Variants in RAPGEF3 observed in about 807,000 individuals in gnomAD.
RAPGEF3 encodes the protein Rap guanine nucleotide exchange factor 3.
Under a neutral mutation model 129.8 loss-of-function variants are expected in RAPGEF3, and 103 were observed. That is an observed-to-expected ratio of 0.79 (90% confidence interval 0.68 to 0.93). RAPGEF3 has a LOEUF of 0.93. Ranked by LOEUF, RAPGEF3 falls within the 40% of genes least tolerant of loss-of-function variation. The probability of loss-of-function intolerance (pLI) is 0.00; values close to 1 mark genes in which losing one functional copy is unlikely to be tolerated. For missense variants in RAPGEF3, 1,117 were observed against 1,207.4 expected (o/e 0.93, Z 1.11); for synonymous variants, 436 against 482.6 (o/e 0.90, Z 1.26).
intron 18 of RAPGEF3, 23 bp downstream of exon 18, chr12:47,743,507 G>T: frequency 6.2e-7 from 1 of 1,602,594 alleles, no homozygotes; most frequent in Non-Finnish European, 8.5e-7. Context: ...CTCCCTTGGG[G>T]TCTATCCAGG....
At chr12:47,757,259 C>T (rs986306508) in intron 2 of RAPGEF3, among the ~76,000 whole-genome samples, 1 of 152,094 alleles carries the variant, frequency 6.6e-6, no homozygotes, top group South Asian at 2.1e-4. Context: ...CCATTCTTTC[C>T]CCTCCCTGCT....
intron 23 of RAPGEF3, chr12:47,739,698 C>A: frequency 2.7e-6 from 1 of 366,684 alleles, no homozygotes; most frequent in Non-Finnish European, 5.2e-6. Flanking sequence ...GTTCCACCCC[C>A]AACTCTATCC....
Position 47,751,535 on chromosome 12 carries a change from A to AG in RAPGEF3, c.381-16dup, listed in dbSNP as rs2136799214. 6.2e-7 allele frequency: 1 copy of AG among 1,614,182 alleles called. No homozygotes were observed. Among genetic ancestry groups the AG allele is most frequent in the Non-Finnish European group, 8.5e-7 (1 of 1,179,998 alleles). The stretch of plus-strand genomic sequence containing the variant: ...AGCAGCACTGCCTATGGAAGGTAGA[A>AG]GGGGACAGGCCAGTGGAAGGAGGGT... On this transcript the variant is annotated splice_polypyrimidine_tract_variant and intron_variant, in intron 4 of 27. Coordinates refer to ENST00000449771, the MANE Select transcript of RAPGEF3 (RefSeq NM_001098531.4).
chr12:47,746,974 T>A (rs910750147), intron 15 of RAPGEF3, 75 bp from the exon 16 acceptor site: 2 of 1,428,124 alleles, frequency 1.4e-6, no homozygotes, highest in South Asian at 2.5e-5. Context: ...CTTGGGGCTC[T>A]GGATTCTCCC....
chr12:47,747,240 G>A (rs976293053), intron 15 of RAPGEF3, among the ~76,000 whole-genome samples: 3 of 152,176 alleles, frequency 2.0e-5, no homozygotes, highest in Admixed American at 6.5e-5. Flanking sequence ...GAAATGTACC[G>A]GGCGGGACTG....
Position 47,757,967 on chromosome 12 carries a change from G to C in RAPGEF3, c.118C>G (p.Leu40Val). 6.4e-7 allele frequency: 1 copy of C among 1,563,464 alleles called. No homozygotes were observed. Among genetic ancestry groups the C allele is most frequent in the Non-Finnish European group, 8.7e-7 (1 of 1,153,462 alleles). ...ALPDVVPEGT[L>V]LNMVLRRMHR... ...ATCCTTCTCAACACCATGTTGAGTA[G>C]TGTCCCCTCCGGCACCACGTCAGGG... Residue 40 changes from leucine to valine, a missense_variant, in exon 2 of 28, where the codon CTA becomes GTA. Physicochemically the swap from Leu to Val is conservative, Grantham distance 32. Around this residue, in one of 3 missense-constraint regions of RAPGEF3, gnomAD observed 367 missense variants for 373.4 expected, o/e 0.98. Transcript: ENST00000449771.
At chr12:47,752,074 C>T in intron 2 of RAPGEF3, 105 bp from the exon 3 acceptor site, 2 of 1,201,902 alleles carry the variant, frequency 1.7e-6, no homozygotes, top group Non-Finnish European at 2.4e-6. Context: ...GGCCCCAACC[C>T]CAAATGCATC....
At chr12:47,746,970 G>A in intron 15 of RAPGEF3, 71 bp from the exon 16 acceptor site, 1 of 1,456,194 alleles carries the variant, frequency 6.9e-7, no homozygotes, top group Non-Finnish European at 9.4e-7. Context: ...GGCCCTTGGG[G>A]CTCTGGATTC....
At chr12:47,752,477 C>T (rs1309219833) in intron 2 of RAPGEF3, 1 of 161,192 alleles carries the variant, frequency 6.2e-6, no homozygotes, top group African/African-American at 2.4e-5. Context: ...ATCTCTGGGC[C>T]TCGGATCAGC....
intron 2 of RAPGEF3, 139 bp from the exon 3 acceptor site, chr12:47,752,108 TAAAC>T (rs1941788895): frequency 6.8e-6 from 6 of 883,734 alleles, no homozygotes; most frequent in Non-Finnish European, 9.0e-6. Flanking sequence ...CTTCAGCAAA[TAAAC>T]AAATATTCAC....
At chr12:47,758,364 T>C in intron 1 of RAPGEF3, 187 bp downstream of exon 1, 1 of 1,472,604 alleles carries the variant, frequency 6.8e-7, no homozygotes, top group Non-Finnish European at 9.0e-7. Context: ...TGCAGGGATC[T>C]CCACTACCTC....
At chr12:47,740,095 C>T (rs1941049487) in intron 23 of RAPGEF3, 46 bp downstream of exon 23, 10 of 1,590,480 alleles carry the variant, frequency 6.3e-6, no homozygotes, top group Non-Finnish European at 6.9e-6. Context: ...AGGGCCGAGC[C>T]CAGCTGATCC....
At chr12:47,740,040 G>A (rs1206733989) in intron 23 of RAPGEF3, 101 bp downstream of exon 23, 6 of 1,377,584 alleles carry the variant, frequency 4.4e-6, no homozygotes, top group Non-Finnish European at 6.1e-6. Context: ...CAAAGGACGA[G>A]TAGAGGGGCT....
chr12:47,736,908 T>G lies in RAPGEF3; in HGVS notation c.*659A>C, dbSNP rs1293370327. The G allele has an allele frequency of 6.6e-6, 1 of 152,416 alleles. No individual in the cohort carries two copies. Among genetic ancestry groups the G allele is most frequent in the African/African-American group, 2.4e-5 (1 of 41,460 alleles). The allele number at this position is 152,416 out of a possible 1,614,324, so 9.4% of individuals were successfully genotyped here. A position where few individuals can be genotyped will look rare whatever the true frequency, so the allele number is the denominator to read the frequency against. On this transcript the variant is annotated 3_prime_UTR_variant, in exon 28 of 28. Coordinates refer to ENST00000449771, the MANE Select transcript of RAPGEF3 (RefSeq NM_001098531.4). ...GGTGGCATCAGGATCTTGGACCCAG[T>G]CTGGCCCGTGCCCAGCATGGGGCTG...
chr12:47,738,888 C>G (rs1226547624), intron 24 of RAPGEF3, 134 bp from the exon 25 acceptor site: 17 of 845,868 alleles, frequency 2.0e-5, no homozygotes, highest in Non-Finnish European at 2.9e-5. Context: ...CCTCCAAGCC[C>G]CAGCAGCATT....
chr12:47,743,761 G>T, intron 17 of RAPGEF3, 85 bp from the exon 18 acceptor site: 1 of 1,533,642 alleles, frequency 6.5e-7, no homozygotes, highest in Non-Finnish European at 8.9e-7. Context: ...CAGTAATGGT[G>T]GGAGGGATCC....
At chr12:47,751,594 G>C in intron 4 of RAPGEF3, 74 bp from the exon 5 acceptor site, 1 of 1,604,536 alleles carries the variant, frequency 6.2e-7, no homozygotes, top group South Asian at 1.1e-5. Flanking sequence ...CATTAGAAAG[G>C]CACCCTCTGA....
intron 1 of RAPGEF3, 146 bp from the exon 2 acceptor site, chr12:47,758,224 G>C (rs1342373306): frequency 7.0e-7 from 1 of 1,436,556 alleles, no homozygotes; most frequent in African/African-American, 1.4e-5. Flanking sequence ...GAGCTGGGGG[G>C]AGGAACAGGA....
chr12:47,747,684 A>C (rs779020874), intron 14 of RAPGEF3, 28 bp downstream of exon 14: 2 of 1,611,922 alleles, frequency 1.2e-6, no homozygotes. Flanking sequence ...CGGGCAGCCC[A>C]GCCCCGCTGT....
Sources: gnomAD v4.1 joint callset for allele counts (sites outside exome capture counted in the v4.1 genomes callset) on GRCh38, gnomAD v4.1.1 for gene constraint, gnomAD v4.1.1 regional missense constraint, MANE v1.5 for transcripts, NCBI Gene and HGNC (gene_info 2026-07-23, HGNC 2026-07-21) for gene names.